Variants in NRG4 observed in about 807,000 individuals in gnomAD.
The protein encoded by NRG4 is neuregulin 4.
A neutral mutation model predicts 15.0 loss-of-function variants in NRG4; 10 were observed. The observed-to-expected ratio is 0.67, with a 90% CI of 0.41 to 1.13. The LOEUF (loss-of-function observed/expected upper bound fraction) is 1.13. Among genes scored for constraint, NRG4 ranks in the 50% most tolerant of loss-of-function variants. NRG4 has a pLI of 0.00. For synonymous variants in NRG4, 41 were observed against 50.1 expected, an observed-to-expected ratio of 0.82 and a Z score of 0.77; for missense variants, 139 against 140.2, an observed-to-expected ratio of 0.99 and a Z score of 0.04.
At chr15:76,056,390 G>A (rs946507877) in intron 2 of NRG4, among the ~76,000 whole-genome samples, 21 of 152,000 alleles carry the variant, frequency 1.4e-4, no homozygotes, top group African/African-American at 5.1e-4. Context: ...CCTGGGAGGC[G>A]GAGATTGCAG....
chr15:75,939,465 T>C (rs2030713424), downstream of NRG4: 1 of 152,194 alleles, frequency 6.6e-6, no homozygotes, highest in South Asian at 2.1e-4. Context: ...CTGATGGTTT[T>C]CATTTGTGAA....
chr15:75,997,418 T>C (rs935202444), intron 3 of NRG4, among the ~76,000 whole-genome samples: 2 of 151,944 alleles, frequency 1.3e-5, no homozygotes, highest in African/African-American at 4.8e-5. Flanking sequence ...AAAAATTCAC[T>C]CGAGAAACAT....
upstream of NRG4, among the ~76,000 whole-genome samples, chr15:76,014,776 G>A (rs372732429): frequency 1.9e-4 from 29 of 152,208 alleles, no homozygotes; most frequent in East Asian, 5.8e-4. Context: ...GTCAGGTAGC[G>A]TGATGCCTCC....
At chr15:75,956,800 C>G (rs2032264095) in intron 4 of NRG4, among the ~76,000 whole-genome samples, 1 of 152,078 alleles carries the variant, frequency 6.6e-6, no homozygotes. Flanking sequence ...ACTAATGGAC[C>G]AAAAACTATT....
chr15:75,992,499 A>C (rs2034055333), intron 3 of NRG4, among the ~76,000 whole-genome samples: 1 of 152,084 alleles, frequency 6.6e-6, no homozygotes. Context: ...TATTTATATG[A>C]TATAATTCAC....
In NRG4 at chr15:76,019,182, C is replaced by A. The variant is rs184263531; in HGVS notation, c.-56-7896G>T. On this transcript the variant is annotated intron_variant, in intron 5 of 8. Transcript: ENST00000563910. ...TCAGTAATGGCAAGCATCCCTCCCT[C>A]CACCAAGCTCAAGCATCCCAGGTCG... Among the ~76,000 whole-genome samples the A allele has an allele frequency of 2.1e-4, 32 of 152,270 alleles. No individual in the cohort carries two copies. The East Asian group carries it at 5.4e-3, about 26-fold the overall frequency.
At chr15:76,009,432 A>T (rs1428145223) in intron 2 of NRG4, 139 bp from the exon 3 acceptor site, 1 of 542,540 alleles carries the variant, frequency 1.8e-6, no homozygotes, top group Admixed American at 3.6e-5. Context: ...AAAATGAAAG[A>T]TTTAATTCTA....
intron 3 of NRG4, among the ~76,000 whole-genome samples, chr15:75,994,749 A>G (rs1398772145): frequency 1.3e-5 from 2 of 152,256 alleles, no homozygotes; most frequent in Admixed American, 6.5e-5. Context: ...CACAAGGATC[A>G]TATTTCTGAA....
chr15:75,960,693 T>C (rs2032473401), intron 4 of NRG4, among the ~76,000 whole-genome samples: 2 of 152,144 alleles, frequency 1.3e-5, no homozygotes, highest in African/African-American at 4.8e-5. Flanking sequence ...CCTGCCTAGA[T>C]TCAAGGAATC....
chr15:76,045,607 T>C (rs1348684309), intron 4 of NRG4, among the ~76,000 whole-genome samples: 1 of 150,986 alleles, frequency 6.6e-6, no homozygotes, highest in Non-Finnish European at 1.5e-5. Context: ...AAAAAAAGAA[T>C]GAGATCCTAT....
At chr15:76,038,149 G>A (rs2035640382) in intron 4 of NRG4, among the ~76,000 whole-genome samples, 1 of 152,228 alleles carries the variant, frequency 6.6e-6, no homozygotes, top group Non-Finnish European at 1.5e-5. Context: ...GAGACTGGGA[G>A]ACACACTGGC....
chr15:75,974,436 C>T (rs551751669), intron 3 of NRG4, among the ~76,000 whole-genome samples: 27 of 151,958 alleles, frequency 1.8e-4, no homozygotes, highest in Admixed American at 1.6e-3. Flanking sequence ...CTTGCTTCCT[C>T]GTTCTTTTCA....
intron 5 of NRG4, among the ~76,000 whole-genome samples, chr15:75,952,766 G>T (rs1321245686): frequency 2.0e-5 from 3 of 151,902 alleles, no homozygotes; most frequent in African/African-American, 7.3e-5. Flanking sequence ...AATGATGATT[G>T]TCTTTTCATG....
chr15:75,974,212 T>C (rs1307814901), intron 3 of NRG4, among the ~76,000 whole-genome samples: 4 of 152,246 alleles, frequency 2.6e-5, no homozygotes, highest in African/African-American at 9.6e-5. Context: ...TCAGTGGTGA[T>C]ATCCCCTTTA....
chr15:76,036,531 A>G (rs1225326438), intron 4 of NRG4, among the ~76,000 whole-genome samples: 1 of 152,218 alleles, frequency 6.6e-6, no homozygotes, highest in African/African-American at 2.4e-5. Flanking sequence ...CCAATTCCAC[A>G]GTAGAATGTT....
intron 3 of NRG4, among the ~76,000 whole-genome samples, chr15:76,003,720 T>C (rs1044976750): frequency 2.0e-5 from 3 of 152,184 alleles, no homozygotes; most frequent in Non-Finnish European, 2.9e-5. Context: ...GGATCCTCAA[T>C]GAGATTATCA....
intron 3 of NRG4, 78 bp from the exon 4 acceptor site, chr15:75,962,052 G>A: frequency 1.8e-6 from 2 of 1,105,634 alleles, no homozygotes; most frequent in Non-Finnish European, 2.6e-6. Context: ...GTTTCCAGAT[G>A]ACGTGAAGAA....
intron 5 of NRG4, among the ~76,000 whole-genome samples, chr15:76,024,257 G>A (rs1044190479): frequency 1.3e-5 from 2 of 152,178 alleles, no homozygotes; most frequent in Admixed American, 6.5e-5. Context: ...ATAGCCCTGG[G>A]GGCTGCACCT....
intron 4 of NRG4, among the ~76,000 whole-genome samples, chr15:75,958,356 T>C (rs1284695379): frequency 6.6e-6 from 1 of 152,210 alleles, no homozygotes; most frequent in Non-Finnish European, 1.5e-5. Flanking sequence ...ACTTATTTTA[T>C]ATCATGTGTC....
Sources: gnomAD v4.1 joint callset for allele counts (sites outside exome capture counted in the v4.1 genomes callset) on GRCh38, gnomAD v4.1.1 for gene constraint, MANE v1.5 for transcripts, NCBI Gene and HGNC (gene_info 2026-07-23, HGNC 2026-07-21) for gene names.